Variants in C2CD2 observed in about 807,000 individuals in gnomAD.
C2CD2 encodes the protein C2 calcium dependent domain containing 2.
A neutral mutation model predicts 74.3 loss-of-function variants in C2CD2; 43 were observed. The observed-to-expected ratio is 0.58, with a 90% confidence interval of 0.45 to 0.75. The LOEUF (loss-of-function observed/expected upper bound fraction) is 0.75, where lower values mean the gene tolerates loss of function less well. Among genes scored for constraint, C2CD2 ranks in the 30% least tolerant of loss-of-function variants. The pLI, the probability that C2CD2 is intolerant of heterozygous loss-of-function variation, is 0.00. For synonymous variants in C2CD2, 422 were observed against 390.7 expected (o/e 1.08, Z -0.94); for missense variants, 801 against 916.3 (o/e 0.87, Z 1.63).
chr21:41,953,604 C>A lies in C2CD2; in HGVS notation c.45G>T (p.Trp15Cys), dbSNP rs1460823416. ...CGACGAAGAGCGACACCAGCGCGAG[C>A]CACTGCGCCTCCCCGAGCCACGAGC... is the stretch of plus-strand genomic sequence containing the variant. ...RLGSWLGEAQ[W>C]LALVSLFVAA... The change falls in exon 1 of 14, where the codon TGG becomes TGT. Residue 15 changes from tryptophan to cysteine, a missense_variant. Coordinates refer to ENST00000380486, the MANE Select transcript of C2CD2 (RefSeq NM_015500.2). 1 of 1,495,728 alleles carries A rather than the reference C, an allele frequency of 6.7e-7. No individual in the cohort carries two copies. The highest frequency in any genetic ancestry group is 1.4e-5 in the African/African-American group (1 of 69,014). 92.7% of individuals were successfully genotyped at this position (1,495,728 alleles called of 1,614,324 possible).
At position 41,918,940 on chromosome 21, in the gene C2CD2, C is replaced by T. The variant is rs188498598; in HGVS notation, c.513G>A (p.Glu171=). 1 of 1,613,806 alleles carries T rather than the reference C, an allele frequency of 6.2e-7. No homozygotes were observed. Among genetic ancestry groups the T allele is most frequent in the African/African-American group, 1.3e-5 (1 of 74,952 alleles). The change falls in exon 4 of 14, where the codon GAG becomes GAA. Residue 171 remains glutamate, a synonymous_variant. Transcript: ENST00000380486. The part of the protein sequence containing the change: ...FHLQLEFHMK[E]KREDLQISWS... ...AGCTAATCTGGAGGTCCTCTCTCTT[C>T]TCCTTCATGTGGAACTCCAGCTATT...
chr21:41,907,627 G>A (rs750013656), intron 9 of C2CD2, 33 bp downstream of exon 9: 208 of 1,598,812 alleles, frequency 1.3e-4, no homozygotes, highest in Non-Finnish European at 1.6e-4. Context: ...GCCCCAAGCC[G>A]GAACCCGGCC....
chr21:41,931,897 C>A (rs1264557568), intron 2 of C2CD2, among the ~76,000 whole-genome samples: 1 of 111,854 alleles, frequency 8.9e-6, no homozygotes, highest in Admixed American at 8.9e-5. Flanking sequence ...CATCCCACCA[C>A]CCCACCTCCA....
chr21:41,906,151 A>G (rs2064959674), intron 10 of C2CD2, among the ~76,000 whole-genome samples: 1 of 152,256 alleles, frequency 6.6e-6, no homozygotes, highest in South Asian at 2.1e-4. Context: ...ATTTTGAGAA[A>G]TAAAGCATAC....
At chr21:41,901,228 T>C (rs1282828539) in intron 12 of C2CD2, 2 of 310,234 alleles carry the variant, frequency 6.4e-6, no homozygotes, top group Non-Finnish European at 1.2e-5. Context: ...AAACATTCAC[T>C]GCAAAAAAGT....
intron 13 of C2CD2, chr21:41,894,639 G>A: frequency 2.2e-6 from 1 of 456,114 alleles, no homozygotes; most frequent in South Asian, 1.5e-5. Flanking sequence ...ACTCGGGCGG[G>A]ATTCCCAGAA....
At chr21:41,947,400 G>A (rs1239274075) in intron 1 of C2CD2, among the ~76,000 whole-genome samples, 7 of 151,764 alleles carry the variant, frequency 4.6e-5, no homozygotes, top group Non-Finnish European at 1.0e-4. Flanking sequence ...CAGGTGATCC[G>A]CCCGCCTCAG....
At chr21:41,901,317 C>A (rs3819159) in intron 12 of C2CD2, 63,856 of 437,472 alleles carry the variant, frequency 0.15, 5,527 homozygotes, top group East Asian at 0.34. Flanking sequence ...GGTTCTGTAC[C>A]AAAGGGGAGT....
At chr21:41,910,086 G>A (rs946058643) in intron 7 of C2CD2, among the ~76,000 whole-genome samples, 4 of 150,936 alleles carry the variant, frequency 2.7e-5, no homozygotes, top group Admixed American at 6.6e-5. Flanking sequence ...CTCCCACCTC[G>A]GCCCCCCAAC....
At chr21:41,943,034 CT>C in intron 1 of C2CD2, 6 of 670,370 alleles carry the variant, frequency 9.0e-6, no homozygotes, top group Non-Finnish European at 1.1e-5. Context: ...GGCATGGTGG[CT>C]CACACCGGTA....
chr21:41,922,163 C>CTTT, intron 2 of C2CD2, 78 bp from the exon 3 acceptor site: 11 of 655,570 alleles, frequency 1.7e-5, no homozygotes, highest in Admixed American at 2.8e-5. Context: ...TCTTCTTCTT[C>CTTT]TTTTTTTTTT....
At chr21:41,914,473 G>T in intron 6 of C2CD2, 125 bp downstream of exon 6, 2 of 689,060 alleles carry the variant, frequency 2.9e-6, no homozygotes, top group Non-Finnish European at 4.6e-6. Context: ...TGCAACCGTG[G>T]CAGGGCTCCC....
intron 2 of C2CD2, among the ~76,000 whole-genome samples, chr21:41,940,640 A>T (rs2065346810): frequency 6.6e-6 from 1 of 152,256 alleles, no homozygotes. Context: ...AACAGTCATC[A>T]CTGTAGGTAG....
chr21:41,894,551 G>A (rs2064798055), intron 13 of C2CD2: 1 of 434,582 alleles, frequency 2.3e-6, no homozygotes, highest in Non-Finnish European at 4.6e-6. Flanking sequence ...TGTGGCCCCT[G>A]GGGAGGAGAC....
rs1169884130 is a variant in C2CD2 at position 41,885,472 on chromosome 21, A to G, written c.*3652T>C. The G allele has an allele frequency of 6.5e-6, 1 of 152,730 alleles. No individual in the cohort carries two copies. Among genetic ancestry groups the G allele is most frequent in the Non-Finnish European group, 1.5e-5 (1 of 68,078 alleles). The allele number at this position is 152,730 out of a possible 1,614,324, so 9.5% of individuals were successfully genotyped here. ...TATTGTGTTTCGAATGCAAACGGTC[A>G]TGGACCCAAGTTAACCTGAGTTTGC... On this transcript the variant is annotated 3_prime_UTR_variant, in exon 14 of 14. Transcript: ENST00000380486.
intron 13 of C2CD2, among the ~76,000 whole-genome samples, chr21:41,897,940 A>C (rs562809637): frequency 1.4e-4 from 22 of 152,328 alleles, no homozygotes; most frequent in African/African-American, 5.1e-4. Context: ...CTAGATGCCG[A>C]CTGCACCCCA....
chr21:41,942,929 C>T, intron 1 of C2CD2: 14 of 981,796 alleles, frequency 1.4e-5, no homozygotes, highest in Non-Finnish European at 1.7e-5. Context: ...CACCTGTGCC[C>T]GTGGCTCTGC....
intron 2 of C2CD2, among the ~76,000 whole-genome samples, chr21:41,940,181 T>C (rs556681644): frequency 8.5e-5 from 13 of 152,326 alleles, no homozygotes; most frequent in African/African-American, 2.9e-4. Flanking sequence ...ATACTCAACC[T>C]GTACTTTCAA....
At chr21:41,935,734 C>T (rs1020596102) in intron 2 of C2CD2, among the ~76,000 whole-genome samples, 3 of 152,096 alleles carry the variant, frequency 2.0e-5, no homozygotes, top group Non-Finnish European at 2.9e-5. Flanking sequence ...CACCTGTAAT[C>T]CCAGCTACTC....
Sources: gnomAD v4.1 joint callset for allele counts (sites outside exome capture counted in the v4.1 genomes callset) on GRCh38, gnomAD v4.1.1 for gene constraint, MANE v1.5 for transcripts, NCBI Gene and HGNC (gene_info 2026-07-23, HGNC 2026-07-21) for gene names.